SUMF1: variants seen among roughly 807,000 people sequenced by gnomAD.
The protein encoded by SUMF1 is sulfatase modifying factor 1, also known as formylglycine-generating enzyme.
SUMF1 carries 48 observed loss-of-function variants against 47.6 expected under a neutral mutation model. The observed-to-expected ratio is 1.01, with a 90% CI of 0.80 to 1.28. The LOEUF is 1.28. Ranked by LOEUF, SUMF1 falls within the 50% of genes most tolerant of loss-of-function variation. The pLI is 0.00. For synonymous variants in SUMF1, 230 were observed against 192.1 expected, an observed-to-expected ratio of 1.20 and a Z score of -1.63; for missense variants, 571 against 485.4, an observed-to-expected ratio of 1.18 and a Z score of -1.66.
At chr3:4,424,050 A>G (rs903918050) in intron 3 of SUMF1, among the ~76,000 whole-genome samples, 1 of 152,208 alleles carries the variant, frequency 6.6e-6, no homozygotes, top group Non-Finnish European at 1.5e-5. Context: ...GTATTTCTTT[A>G]TAGCAATTGC....
chr3:4,218,992 A>C (rs1038438639), intron 8 of SUMF1, among the ~76,000 whole-genome samples: 2 of 152,106 alleles, frequency 1.3e-5, no homozygotes, highest in Non-Finnish European at 2.9e-5. Flanking sequence ...AAGCTACCCA[A>C]ATCCACTGGG....
intron 6 of SUMF1, among the ~76,000 whole-genome samples, chr3:4,416,540 G>C (rs1023547066): frequency 3.9e-5 from 6 of 152,206 alleles, no homozygotes; most frequent in African/African-American, 1.4e-4. Context: ...TGGCAAATAC[G>C]GTAGTTAAGA....
At chr3:4,233,560 C>T (rs896631559) in intron 8 of SUMF1, among the ~76,000 whole-genome samples, 3 of 152,032 alleles carry the variant, frequency 2.0e-5, no homozygotes, top group Non-Finnish European at 4.4e-5. Flanking sequence ...AAAGGCTTCC[C>T]TGTTATACTG....
intron 8 of SUMF1, among the ~76,000 whole-genome samples, chr3:4,299,720 A>C (rs1305551302): frequency 2.0e-5 from 3 of 152,134 alleles, no homozygotes; most frequent in African/African-American, 7.2e-5. Context: ...TGAGGCAGGA[A>C]GACTGCTTGA....
At chr3:4,386,231 G>T (rs1700669632) in intron 7 of SUMF1, among the ~76,000 whole-genome samples, 1 of 152,074 alleles carries the variant, frequency 6.6e-6, no homozygotes, top group African/African-American at 2.4e-5. Context: ...TCTCTACTAG[G>T]CTGAATTTTC....
chr3:4,133,174 G>C (rs968456719), intron 8 of SUMF1, among the ~76,000 whole-genome samples: 1 of 152,058 alleles, frequency 6.6e-6, no homozygotes, highest in African/African-American at 2.4e-5. Flanking sequence ...CTTGTACTAA[G>C]AAAAATCTTC....
intron 8 of SUMF1, among the ~76,000 whole-genome samples, chr3:4,135,027 G>A (rs534707322): frequency 3.3e-5 from 5 of 152,162 alleles, no homozygotes; most frequent in South Asian, 2.1e-4. Flanking sequence ...ATTCACAGCC[G>A]AATTCTACCA....
At chr3:4,160,486 C>T (rs1025743220) in intron 8 of SUMF1, among the ~76,000 whole-genome samples, 4 of 151,970 alleles carry the variant, frequency 2.6e-5, no homozygotes, top group Non-Finnish European at 4.4e-5. Flanking sequence ...GTGATCTGCC[C>T]GCTTTGGTCC....
chr3:4,157,207 A>G (rs2587910), intron 8 of SUMF1, among the ~76,000 whole-genome samples: 37,998 of 151,266 alleles, frequency 0.25, 5,713 homozygotes, highest in East Asian at 0.4. Flanking sequence ...GACATCTCCA[A>G]TTCAGAATTC....
intron 8 of SUMF1, among the ~76,000 whole-genome samples, chr3:4,094,134 G>A (rs1692848640): frequency 6.6e-6 from 1 of 152,250 alleles, no homozygotes; most frequent in South Asian, 2.1e-4. Flanking sequence ...TATAGGTCAT[G>A]ATGAAATGAC....
chr3:4,243,434 T>C (rs527380210), intron 8 of SUMF1, among the ~76,000 whole-genome samples: 1 of 152,376 alleles, frequency 6.6e-6, no homozygotes, highest in African/African-American at 2.4e-5. Flanking sequence ...CTGCTTTAAA[T>C]GTGTCCCAGA....
At chr3:4,387,125 T>C (rs1274131899) in intron 7 of SUMF1, among the ~76,000 whole-genome samples, 1 of 152,062 alleles carries the variant, frequency 6.6e-6, no homozygotes, top group Non-Finnish European at 1.5e-5. Flanking sequence ...GATTAGAAAG[T>C]GTTCCCTTCT....
rs185135257 is a variant in SUMF1 at position 4,253,252 on chromosome 3, G to A, written c.1014+123078C>T. On this transcript the variant is annotated intron_variant and NMD_transcript_variant, in intron 8 of 12. Coordinates refer to the SUMF1 transcript ENST00000448413. Reference sequence around the variant, plus strand: ...CATTGGAAAAAAAATGGAAATAGGGGGAGGAGCCAAGATGGCCGAATAGGA... The same window carrying A: ...CATTGGAAAAAAAATGGAAATAGGGAGAGGAGCCAAGATGGCCGAATAGGA... 9.2e-4 allele frequency among the ~76,000 whole-genome samples: 140 copies of A among 152,244 alleles called. 1 individual carries two copies. The highest frequency in any genetic ancestry group is 5.4e-3 in the Admixed American group (82 of 15,296).
chr3:4,071,444 A>G (rs1344614964), intron 8 of SUMF1, among the ~76,000 whole-genome samples: 2 of 152,176 alleles, frequency 1.3e-5, no homozygotes, highest in African/African-American at 4.8e-5. Flanking sequence ...CTCCTGCCCA[A>G]ATACTGCACC....
At chr3:4,281,878 A>G (rs1395240976) in intron 8 of SUMF1, among the ~76,000 whole-genome samples, 2 of 152,164 alleles carry the variant, frequency 1.3e-5, no homozygotes, top group African/African-American at 4.8e-5. Flanking sequence ...TGAGTTTTTA[A>G]TCCATGTGAA....
intron 8 of SUMF1, among the ~76,000 whole-genome samples, chr3:4,171,199 A>G (rs939237820): frequency 4.6e-5 from 7 of 152,174 alleles, no homozygotes; most frequent in African/African-American, 1.7e-4. Flanking sequence ...CTAACTACTA[A>G]GGATTTTGCC....
At chr3:4,405,642 C>A (rs1701351898) in intron 7 of SUMF1, among the ~76,000 whole-genome samples, 1 of 152,196 alleles carries the variant, frequency 6.6e-6, no homozygotes, top group African/African-American at 2.4e-5. Context: ...CCCACCTCAG[C>A]CTCCCAGAGT....
chr3:4,375,133 T>C (rs1700285246), intron 8 of SUMF1, among the ~76,000 whole-genome samples: 1 of 53,578 alleles, frequency 1.9e-5, no homozygotes, highest in African/African-American at 8.0e-5. Context: ...AGACTCTGTC[T>C]CAAAAAAAAA....
chr3:4,305,075 A>G (rs1404975542), intron 8 of SUMF1, among the ~76,000 whole-genome samples: 1 of 152,076 alleles, frequency 6.6e-6, no homozygotes, highest in Non-Finnish European at 1.5e-5. Flanking sequence ...ATCAATAGAA[A>G]TGTTTAGGTT....
Sources: allele counts gnomAD v4.1 joint callset (sites outside exome capture counted in the v4.1 genomes callset), GRCh38; gene constraint gnomAD v4.1.1; transcripts MANE v1.5; gene names NCBI Gene and HGNC (gene_info 2026-07-23, HGNC 2026-07-21).